The following ITGBL1 variants were observed in gnomAD, a reference collection of about 807,000 sequenced individuals.
ITGBL1 encodes the protein integrin subunit beta like 1, also known as integrin beta-like protein 1.
Under a neutral mutation model 68.5 loss-of-function variants are expected in ITGBL1, and 51 were observed. The ratio of observed to expected loss-of-function variants is 0.74; its 90% confidence interval spans 0.59 to 0.94. The LOEUF is 0.94. Ranked by LOEUF, ITGBL1 falls within the 40% of genes least tolerant of loss-of-function variation. ITGBL1 has a pLI of 0.00. For missense variants in ITGBL1, 649 were observed against 647.4 expected, an observed-to-expected ratio of 1.00 and a Z score of -0.03; for synonymous variants, 209 against 227.3, an observed-to-expected ratio of 0.92 and a Z score of 0.72.
intron 5 of ITGBL1, 88 bp from the exon 6 acceptor site, chr13:101,583,123 CAAAGT>C (rs2050490158): frequency 1.5e-6 from 2 of 1,309,548 alleles, no homozygotes; most frequent in Admixed American, 1.9e-5. Flanking sequence ...TTTTCAAACA[CAAAGT>C]AAACAGAAAA....
chr13:101,486,822 A>G (rs1292398124), intron 2 of ITGBL1, among the ~76,000 whole-genome samples: 1 of 152,190 alleles, frequency 6.6e-6, no homozygotes, highest in Non-Finnish European at 1.5e-5. Context: ...TTAGCACTAG[A>G]AGGAACATAA....
chr13:101,700,852 A>G lies in ITGBL1; in HGVS notation c.1133-5904A>G, dbSNP rs2034120304. On this transcript the variant is annotated intron_variant, in intron 8 of 10. Transcript: ENST00000376180. ...GGCTCCTTCTCATCCCTTGGCTGTC[A>G]CTGAACCCTTCCCTGACTACCCTAG... Among the ~76,000 whole-genome samples, 2 of 152,118 alleles carry G rather than the reference A, an allele frequency of 1.3e-5. 1 individual carries two copies. The highest frequency in any genetic ancestry group is 4.1e-4 in the South Asian group (2 of 4,834).
chr13:101,583,303 A>T lies in ITGBL1; in HGVS notation c.815A>T (p.Asp272Val). 6.2e-7 allele frequency: 1 copy of T among 1,612,774 alleles called. No individual in the cohort carries two copies. Among genetic ancestry groups the T allele is most frequent in the Non-Finnish European group, 8.5e-7 (1 of 1,179,444 alleles). The stretch of plus-strand genomic sequence containing the variant: ...ATTCATGGGGACACCTGTGAATGTG[A>T]TGAGAGGGACTGTAGAGCTGTCTAT... Reference protein sequence around the residue: ...GDIHGDTCECDERDCRAVYDR... With the variant: ...GDIHGDTCECVERDCRAVYDR... Residue 272 changes from aspartate to valine, a missense_variant, in exon 6 of 11, where the codon GAT (aspartate) becomes GTT (valine). Transcript: ENST00000376180.
chr13:101,698,831 G>A lies in ITGBL1; in HGVS notation c.1132+6130G>A, dbSNP rs368546528. ...GTTAAATCAGAGACTTCCCTCCTGT[G>A]TGCCATATACCTAGGGTGAGAATAA... On this transcript the variant is annotated intron_variant, in intron 8 of 10. Coordinates refer to ENST00000376180, the MANE Select transcript of ITGBL1 (RefSeq NM_004791.3). Among the ~76,000 whole-genome samples, 19 of 152,222 alleles carry A rather than the reference G, an allele frequency of 1.2e-4. No individual in the cohort carries two copies. The South Asian group carries it at 3.5e-3, about 28-fold the overall frequency.
intron 7 of ITGBL1, among the ~76,000 whole-genome samples, chr13:101,609,514 T>C (rs1188321795): frequency 6.6e-6 from 1 of 152,118 alleles, no homozygotes; most frequent in Admixed American, 6.6e-5. Flanking sequence ...TTAAAGGGAA[T>C]GGAAAAGAGC....
intron 2 of ITGBL1, among the ~76,000 whole-genome samples, chr13:101,525,362 G>T (rs957393573): frequency 4.6e-5 from 7 of 152,126 alleles, no homozygotes; most frequent in South Asian, 2.1e-4. Flanking sequence ...TTTTAAGAAA[G>T]AATTTTATTA....
intron 9 of ITGBL1, chr13:101,713,101 A>G (rs1183914553): frequency 6.6e-6 from 1 of 152,234 alleles, no homozygotes; most frequent in Non-Finnish European, 1.5e-5. Context: ...CTGCACTCTT[A>G]CTTTGAGAAG....
intron 6 of ITGBL1, among the ~76,000 whole-genome samples, chr13:101,589,240 TA>T (rs1156661842): frequency 1.3e-5 from 2 of 152,326 alleles, no homozygotes; most frequent in African/African-American, 4.8e-5. Flanking sequence ...GCTAGAATTA[TA>T]GAAAGTTTAT....
chr13:101,692,343 A>G (rs968706046), intron 7 of ITGBL1, among the ~76,000 whole-genome samples: 10 of 152,226 alleles, frequency 6.6e-5, no homozygotes, highest in African/African-American at 2.4e-4. Context: ...AAATTAGAGA[A>G]TAGCAAATGT....
In ITGBL1 at chr13:101,526,155, C is replaced by CTTCTTT. The variant is rs368448615; in HGVS notation, c.317-41542_317-41541insCTTTTT. ...CTAGTTTCTTCTTCTTCTTCTTCTT[C>CTTCTTT]TTTTTTTTTTTTTTAAATACTTTAA... On this transcript the variant is annotated intron_variant, in intron 2 of 10. Transcript: ENST00000376180. 4.0e-3 allele frequency among the ~76,000 whole-genome samples: 542 copies of CTTCTTT among 136,562 alleles called. 2 individuals are homozygous for CTTCTTT. Among genetic ancestry groups the CTTCTTT allele is most frequent in the East Asian group, 0.017 (77 of 4,644 alleles). The allele number at this position is 136,562 out of a possible 152,430, so 89.6% of individuals were successfully genotyped here.
chr13:101,469,726 GAT>G (rs1211979620), intron 2 of ITGBL1, among the ~76,000 whole-genome samples: 1 of 152,056 alleles, frequency 6.6e-6, no homozygotes, highest in East Asian at 1.9e-4. Flanking sequence ...CACAAAAACA[GAT>G]GTTGTATTTT....
At position 101,568,749 on chromosome 13, in the gene ITGBL1, G is replaced by A. The variant is rs532424192; in HGVS notation, c.463+904G>A. Among the ~76,000 whole-genome samples the A allele has an allele frequency of 4.6e-5, 7 of 152,082 alleles. No individual in the cohort carries two copies. In the South Asian group the frequency reaches 1.0e-3, roughly 23 times the overall value. Reference sequence around the variant, plus strand: ...TTCCTGAAGCTCACATTGTTGGTAGGGCCCATCTCTAACCAGAGCTGAGAA... The same window carrying A: ...TTCCTGAAGCTCACATTGTTGGTAGAGCCCATCTCTAACCAGAGCTGAGAA... On this transcript the variant is annotated intron_variant, in intron 3 of 10. Coordinates refer to ENST00000376180, the MANE Select transcript of ITGBL1 (RefSeq NM_004791.3).
chr13:101,575,681 T>C, intron 4 of ITGBL1, 135 bp downstream of exon 4: 2 of 871,842 alleles, frequency 2.3e-6, no homozygotes, highest in Non-Finnish European at 3.6e-6. Flanking sequence ...CTGGAAAACA[T>C]TTCACATAAG....
rs2034695465 is a variant in ITGBL1, at chr13:101,715,801, G to A, written c.*147G>A. 7.6e-6 allele frequency: 4 copies of A among 528,328 alleles called. No homozygotes were observed. Among genetic ancestry groups the A allele is most frequent in the South Asian group, 3.3e-5 (1 of 30,764 alleles). The allele number at this position is 528,328 out of a possible 1,614,324, so 32.7% of individuals were successfully genotyped here. On this transcript the variant is annotated 3_prime_UTR_variant, in exon 11 of 11. Coordinates refer to ENST00000376180, the MANE Select transcript of ITGBL1 (RefSeq NM_004791.3). The stretch of plus-strand genomic sequence containing the variant: ...TTTCTGAATTACGAATGAAATCCGA[G>A]TACCTATTAGAAATGAGTTATGCAA...
At position 101,551,711 on chromosome 13, in the gene ITGBL1, A is replaced by AT. The variant is rs559804106; in HGVS notation, c.317-15983dup. ...TCATGCCATTTTGCAAGTCAAAGTGATTTTTAACTCAGAAGATTAACATAT... is the reference window on the plus strand; with the variant it reads ...TCATGCCATTTTGCAAGTCAAAGTGATTTTTTAACTCAGAAGATTAACATAT... On this transcript the variant is annotated intron_variant, in intron 2 of 10. Transcript: ENST00000376180. 5.7e-3 allele frequency among the ~76,000 whole-genome samples: 872 copies of AT among 152,322 alleles called. 8 individuals are homozygous for AT. The highest frequency in any genetic ancestry group is 0.02 in the African/African-American group (838 of 41,578).
intron 2 of ITGBL1, among the ~76,000 whole-genome samples, chr13:101,503,696 GGT>G (rs1320364807): frequency 6.6e-6 from 1 of 152,186 alleles, no homozygotes; most frequent in Non-Finnish European, 1.5e-5. Context: ...TGTGTGGAGG[GGT>G]TAGTCCCTGG....
intron 2 of ITGBL1, among the ~76,000 whole-genome samples, chr13:101,463,491 T>C (rs1292426459): frequency 6.6e-6 from 1 of 152,202 alleles, no homozygotes; most frequent in Admixed American, 6.5e-5. Context: ...ATGATCATAA[T>C]TGATCTAATG....
At chr13:101,705,292 C>CAA (rs66461824) in intron 8 of ITGBL1, among the ~76,000 whole-genome samples, 1,899 of 104,992 alleles carry the variant, frequency 0.018, 51 homozygotes, top group African/African-American at 0.031. Flanking sequence ...ATTTAAAAAG[C>CAA]AAAAAAAAAA....
chr13:101,600,513 G>T (rs980631906), intron 7 of ITGBL1, among the ~76,000 whole-genome samples: 1 of 152,048 alleles, frequency 6.6e-6, no homozygotes. Flanking sequence ...CCTGTCTTGT[G>T]CCAGTTTTCA....
Sources: gnomAD v4.1 joint callset for allele counts (sites outside exome capture counted in the v4.1 genomes callset) on GRCh38, gnomAD v4.1.1 for gene constraint, MANE v1.5 for transcripts, NCBI Gene and HGNC (gene_info 2026-07-23, HGNC 2026-07-21) for gene names.